The following PRKCB variants were observed in gnomAD, a reference collection of about 807,000 sequenced individuals.
PRKCB encodes the protein protein kinase C beta, also known as protein kinase C beta type.
In PRKCB, 13 loss-of-function variants were observed where a neutral mutation model predicts 81.5. That is an observed-to-expected ratio of 0.16 (90% CI 0.10 to 0.25). The LOEUF (loss-of-function observed/expected upper bound fraction) is 0.25, where lower values mean the gene tolerates loss of function less well. PRKCB is among the 10% of genes least tolerant of loss of function. The pLI, the probability that PRKCB is intolerant of heterozygous loss-of-function variation, is 1.00. For synonymous variants in PRKCB, 335 were observed against 321.4 expected (o/e 1.04, Z -0.45); for missense variants, 509 against 875.7 (o/e 0.58, Z 5.29).
chr16:24,093,074 C>T (rs1966396590), intron 6 of PRKCB, 127 bp downstream of exon 6: 2 of 1,003,816 alleles, frequency 2.0e-6, no homozygotes, highest in Non-Finnish European at 2.8e-6. Flanking sequence ...TTTCTGTCTT[C>T]TCCATCCCTC....
At chr16:24,186,130 C>T (rs1424610450) in intron 15 of PRKCB, among the ~76,000 whole-genome samples, 2 of 152,292 alleles carry the variant, frequency 1.3e-5, no homozygotes. Flanking sequence ...TGGACATCTA[C>T]GGTTTATGCA....
intron 10 of PRKCB, among the ~76,000 whole-genome samples, chr16:24,167,325 T>C (rs762219594): frequency 9.9e-5 from 15 of 152,070 alleles, no homozygotes; most frequent in Non-Finnish European, 1.5e-4. Flanking sequence ...TGAAGCAGTA[T>C]TGGTCTGAGA....
In PRKCB at chr16:24,150,939, T is replaced by C. The variant is rs76223653; in HGVS notation, c.1066-3745T>C. ...TGTTGTTGAGGGCAGGGCAAGACAC[T>C]GGGAATCTTCACACACCCCTGTTTA... On this transcript the variant is annotated intron_variant, in intron 9 of 16. Transcript: ENST00000643927. 9.0e-3 allele frequency among the ~76,000 whole-genome samples: 1,372 copies of C among 152,338 alleles called. 27 individuals are homozygous for C. The highest frequency in any genetic ancestry group is 0.031 in the African/African-American group (1,298 of 41,570).
chr16:23,922,508 C>T (rs1249045415), intron 2 of PRKCB, among the ~76,000 whole-genome samples: 1 of 152,186 alleles, frequency 6.6e-6, no homozygotes, highest in African/African-American at 2.4e-5. Flanking sequence ...TTTTTAAAGA[C>T]TATATGCAAA....
At chr16:23,989,682 G>C (rs1172961565) in intron 3 of PRKCB, among the ~76,000 whole-genome samples, 1 of 152,118 alleles carries the variant, frequency 6.6e-6, no homozygotes, top group Non-Finnish European at 1.5e-5. Context: ...TGACAGTATG[G>C]GTGATATAAG....
chr16:24,067,758 G>A (rs1966055175), intron 5 of PRKCB, among the ~76,000 whole-genome samples: 1 of 152,096 alleles, frequency 6.6e-6, no homozygotes, highest in Non-Finnish European at 1.5e-5. Flanking sequence ...TCTGAGATCA[G>A]GAGTTTGAGA....
rs148138752 is a variant in PRKCB, at chr16:24,173,334, T to A, written c.1331+973T>A. ...CATGGCAAGTTATAGGAATTAGCAATGATAACCTCTCCTGGGGAGTTTTCT... is the reference window on the plus strand; with the variant it reads ...CATGGCAAGTTATAGGAATTAGCAAAGATAACCTCTCCTGGGGAGTTTTCT... On this transcript the variant is annotated intron_variant, in intron 11 of 16. Coordinates refer to ENST00000643927, the MANE Select transcript of PRKCB (RefSeq NM_002738.7). 1.1e-4 allele frequency among the ~76,000 whole-genome samples: 16 copies of A among 152,306 alleles called. No individual in the cohort carries two copies. The East Asian group carries it at 3.1e-3, about 29-fold the overall frequency.
intron 13 of PRKCB, among the ~76,000 whole-genome samples, chr16:24,182,388 G>A (rs1287249762): frequency 1.3e-5 from 2 of 152,044 alleles, no homozygotes; most frequent in African/African-American, 4.8e-5. Flanking sequence ...AGGTGCACTA[G>A]GTCACCCCTG....
Position 23,966,528 on chromosome 16 carries a change from C to A in PRKCB, c.206-21980C>A, listed in dbSNP as rs114909221. ...TTTACAACAGTGTACTGCATAGTAGCTTTTCTATAAGTGATTATTATTATT... is the reference window on the plus strand; with the variant it reads ...TTTACAACAGTGTACTGCATAGTAGATTTTCTATAAGTGATTATTATTATT... On this transcript the variant is annotated intron_variant, in intron 2 of 16. Coordinates refer to ENST00000643927, the MANE Select transcript of PRKCB (RefSeq NM_002738.7). Among the ~76,000 whole-genome samples the A allele has an allele frequency of 1.8e-3, 273 of 152,246 alleles. 2 individuals are homozygous for A. The highest frequency in any genetic ancestry group is 6.1e-3 in the African/African-American group (254 of 41,534).
chr16:24,194,327 A>AAAAC (rs759849431), intron 16 of PRKCB, among the ~76,000 whole-genome samples: 1 of 152,086 alleles, frequency 6.6e-6, no homozygotes, highest in African/African-American at 2.4e-5. Context: ...CTCCGTCTCA[A>AAAAC]AAACAAACAA....
intron 2 of PRKCB, among the ~76,000 whole-genome samples, chr16:23,977,767 A>G (rs1218725579): frequency 6.6e-6 from 1 of 152,182 alleles, no homozygotes; most frequent in Non-Finnish European, 1.5e-5. Flanking sequence ...AGCTGGCCAG[A>G]CAGGGCTGTA....
At chr16:24,181,770 T>TTAAAAAAA (rs1967626904) in intron 13 of PRKCB, among the ~76,000 whole-genome samples, 1 of 1,492 alleles carries the variant, frequency 6.7e-4, no homozygotes, top group African/African-American at 5.7e-3. Context: ...AGACCCTGTC[T>TTAAAAAAA]CAAAAAAAAA....
chr16:24,054,996 G>A (rs893065225), intron 5 of PRKCB, among the ~76,000 whole-genome samples: 5 of 152,134 alleles, frequency 3.3e-5, no homozygotes, highest in East Asian at 3.9e-4. Context: ...AGGATCATTC[G>A]CCACAAACCC....
intron 3 of PRKCB, among the ~76,000 whole-genome samples, chr16:24,004,949 A>T (rs559392313): frequency 6.6e-6 from 1 of 152,292 alleles, no homozygotes; most frequent in South Asian, 2.1e-4. Context: ...AAAATGACCC[A>T]AGTCTCACTA....
intron 2 of PRKCB, among the ~76,000 whole-genome samples, chr16:23,847,547 TCCAA>T (rs761065449): frequency 0.011 from 1,655 of 147,584 alleles, 27 homozygotes; most frequent in African/African-American, 0.039. Flanking sequence ...CATTCATCCA[TCCAA>T]CCATCCATCC....
chr16:24,039,695 A>G (rs1266723092), intron 5 of PRKCB, among the ~76,000 whole-genome samples: 1 of 152,208 alleles, frequency 6.6e-6, no homozygotes, highest in Non-Finnish European at 1.5e-5. Context: ...TTATCTGGAC[A>G]TAGGGGTAAC....
chr16:24,104,617 A>G (rs1332389331), intron 7 of PRKCB, among the ~76,000 whole-genome samples: 3 of 152,220 alleles, frequency 2.0e-5, no homozygotes, highest in Non-Finnish European at 4.4e-5. Flanking sequence ...TCAGGAAAGA[A>G]CTCACTGAAA....
chr16:24,035,068 C>T (rs1349496744), intron 4 of PRKCB, among the ~76,000 whole-genome samples: 6 of 152,190 alleles, frequency 3.9e-5, no homozygotes, highest in African/African-American at 1.4e-4. Context: ...CCCTGCCACC[C>T]CCTTAGCTTT....
intron 2 of PRKCB, among the ~76,000 whole-genome samples, chr16:23,927,377 G>A (rs1963911595): frequency 6.6e-6 from 1 of 152,074 alleles, no homozygotes; most frequent in African/African-American, 2.4e-5. Context: ...TAGGGGATGT[G>A]TTTAGGGACA....
Sources: allele counts gnomAD v4.1 joint callset (sites outside exome capture counted in the v4.1 genomes callset), GRCh38; gene constraint gnomAD v4.1.1; transcripts MANE v1.5; gene names NCBI Gene and HGNC (gene_info 2026-07-23, HGNC 2026-07-21).